SSH2: variants seen among roughly 807,000 people sequenced by gnomAD.
SSH2 encodes protein phosphatase Slingshot homolog 2.
SSH2 carries 37 observed loss-of-function variants against 135.2 expected under a neutral mutation model. That is an observed-to-expected ratio of 0.27 (90% CI 0.21 to 0.36). SSH2 has a LOEUF of 0.36. SSH2 is among the 10% of genes least tolerant of loss of function. SSH2 has a pLI of 1.00. For missense variants in SSH2, 1,408 were observed against 1,765.3 expected, an observed-to-expected ratio of 0.80 and a Z score of 3.63; for synonymous variants, 628 against 646.2, an observed-to-expected ratio of 0.97 and a Z score of 0.43.
At chr17:29,698,098 T>C (rs1210898911) in intron 4 of SSH2, among the ~76,000 whole-genome samples, 1 of 152,212 alleles carries the variant, frequency 6.6e-6, no homozygotes, top group African/African-American at 2.4e-5. Flanking sequence ...CAAAAATCCA[T>C]TCATATGAAT....
At chr17:29,755,445 T>A (rs2041083525) in intron 3 of SSH2, among the ~76,000 whole-genome samples, 1 of 152,130 alleles carries the variant, frequency 6.6e-6, no homozygotes, top group Admixed American at 6.5e-5. Context: ...TAGACCTTAA[T>A]CTAATAATGA....
In SSH2 at chr17:29,625,982, T is replaced by C. The variant is rs535209218; in HGVS notation, c.*4859A>G. The C allele has an allele frequency of 6.6e-6, 1 of 152,624 alleles. No individual in the cohort carries two copies. Among genetic ancestry groups the C allele is most frequent in the East Asian group, 1.9e-4 (1 of 5,200 alleles). 9.5% of individuals were successfully genotyped at this position (152,624 alleles called of 1,614,324 possible). ...ATTTATTCAATCTGTAACAAGAACA[T>C]TGAATCTGCACATTTGCGCACAAGT... is the stretch of plus-strand genomic sequence containing the variant. On this transcript the variant is annotated 3_prime_UTR_variant, in exon 16 of 16. Coordinates refer to ENST00000540801, the MANE Select transcript of SSH2 (RefSeq NM_001282129.2).
chr17:29,631,851 T>C lies in SSH2; in HGVS notation c.3343A>G (p.Arg1115Gly). The C allele has an allele frequency of 6.2e-7, 1 of 1,614,226 alleles. No homozygotes were observed. The highest frequency in any genetic ancestry group is 8.5e-7 in the Non-Finnish European group (1 of 1,180,036). ...ATGGAGGTTGGATGGTCAGTGGGTC[T>C]GTTGTGCTCAGGGGAGGAAGAATGA... ...LPHSSSPEHNRPTDHPTSILS... is the reference protein window; with the variant it reads ...LPHSSSPEHNGPTDHPTSILS... Residue 1115 changes from arginine to glycine, a missense_variant, in exon 16 of 16, where the codon AGA (arginine) becomes GGA (glycine). Physicochemically the swap from Arg to Gly is moderately radical, Grantham distance 125 (BLOSUM62 -2). Coordinates refer to ENST00000540801, the MANE Select transcript of SSH2 (RefSeq NM_001282129.2).
intron 1 of SSH2, among the ~76,000 whole-genome samples, chr17:29,881,693 G>A (rs2066140651): frequency 1.3e-5 from 2 of 151,964 alleles, no homozygotes; most frequent in Admixed American, 1.3e-4. Flanking sequence ...GTAGAGATGG[G>A]GTTTCACCAT....
intron 1 of SSH2, among the ~76,000 whole-genome samples, chr17:29,896,712 T>G (rs563577756): frequency 6.6e-6 from 1 of 151,810 alleles, no homozygotes; most frequent in Admixed American, 6.6e-5. Context: ...ATGTATCATA[T>G]GTAAAATGCA....
intron 3 of SSH2, among the ~76,000 whole-genome samples, chr17:29,788,247 T>A (rs1295909252): frequency 6.6e-6 from 1 of 152,184 alleles, no homozygotes; most frequent in East Asian, 1.9e-4. Context: ...TTTGAATCAG[T>A]AGACTGGGTA....
At chr17:29,633,429 C>T (rs2035773456) in intron 15 of SSH2, among the ~76,000 whole-genome samples, 1 of 152,222 alleles carries the variant, frequency 6.6e-6, no homozygotes, top group African/African-American at 2.4e-5. Context: ...ATGGACGAGG[C>T]TATCACCTGA....
At chr17:29,704,524 A>AG (rs2039118752) in intron 3 of SSH2, among the ~76,000 whole-genome samples, 1 of 152,098 alleles carries the variant, frequency 6.6e-6, no homozygotes, top group Admixed American at 6.6e-5. Context: ...CAACACAGTG[A>AG]GACTCCATCT....
chr17:29,878,770 A>C (rs1392996894), intron 1 of SSH2, among the ~76,000 whole-genome samples: 1 of 152,220 alleles, frequency 6.6e-6, no homozygotes, highest in Non-Finnish European at 1.5e-5. Flanking sequence ...TGCCCTACTA[A>C]ATATACTATG....
In SSH2 at chr17:29,692,062, C is replaced by T. The variant is rs945676722; in HGVS notation, c.357+3397G>A. On this transcript the variant is annotated intron_variant, in intron 5 of 15. Transcript: ENST00000540801. ...GGCTGAGACAGGAGAATCACTTGAA[C>T]TCGGGAGGCAGAGGTTGCAATGGGC... Among the ~76,000 whole-genome samples the T allele has an allele frequency of 4.6e-5, 7 of 151,300 alleles. No individual in the cohort carries two copies. The East Asian group carries it at 1.4e-3, about 30-fold the overall frequency.
chr17:29,643,088 C>T, intron 14 of SSH2: 4 of 977,388 alleles, frequency 4.1e-6, no homozygotes, highest in Non-Finnish European at 4.9e-6. Context: ...AAGGATTTTC[C>T]TCTCCTGCTT....
chr17:29,675,847 T>C (rs969486508), intron 8 of SSH2: 3 of 152,052 alleles, frequency 2.0e-5, no homozygotes, highest in Middle Eastern at 3.4e-3. Context: ...GAGAGATCTA[T>C]CCTGTCTAAA....
intron 2 of SSH2, among the ~76,000 whole-genome samples, chr17:29,807,847 T>TTTTTTTTTTTTTTTTTTTTG (rs2042373927): frequency 6.7e-6 from 1 of 149,974 alleles, no homozygotes; most frequent in Non-Finnish European, 1.5e-5. Flanking sequence ...TTTTTTTTTT[T>TTTTTTTTTTTTTTTTTTTTG]TTTTTTTTAG....
chr17:29,759,775 T>C (rs933188180), intron 3 of SSH2, among the ~76,000 whole-genome samples: 1 of 152,216 alleles, frequency 6.6e-6, no homozygotes, highest in Non-Finnish European at 1.5e-5. Flanking sequence ...TAAATAATAT[T>C]CTACTATATG....
intron 1 of SSH2, among the ~76,000 whole-genome samples, chr17:29,898,699 G>A (rs1188522300): frequency 3.3e-5 from 5 of 152,116 alleles, no homozygotes; most frequent in African/African-American, 1.2e-4. Flanking sequence ...TCTACCAGAG[G>A]TACAAGGAGG....
chr17:29,677,850 G>A lies in SSH2; in HGVS notation c.480-109C>T, dbSNP rs537845003. 9.9e-6 allele frequency: 8 copies of A among 812,146 alleles called. No individual in the cohort carries two copies. The African/African-American group carries it at 1.4e-4, about 14-fold the overall frequency. The allele number at this position is 812,146 out of a possible 1,614,324, so 50.3% of individuals were successfully genotyped here. ...GATAAACCCTTAAATTCTAAATTCT[G>A]GCATAAGTGTTACAATGAAGAAATT... On this transcript the variant is annotated intron_variant, in intron 6 of 15. Coordinates refer to ENST00000540801, the MANE Select transcript of SSH2 (RefSeq NM_001282129.2).
chr17:29,850,762 G>A (rs1357140974), intron 1 of SSH2, among the ~76,000 whole-genome samples: 1 of 152,166 alleles, frequency 6.6e-6, no homozygotes, highest in Non-Finnish European at 1.5e-5. Flanking sequence ...GAGGCGGGTG[G>A]ATCACGAGGT....
At chr17:29,823,670 G>T (rs967431315) in intron 2 of SSH2, among the ~76,000 whole-genome samples, 8 of 152,072 alleles carry the variant, frequency 5.3e-5, no homozygotes, top group African/African-American at 1.7e-4. Flanking sequence ...TTTGAGGTTA[G>T]CGGTTCCAGA....
chr17:29,758,045 T>TCAAAACAAAA (rs377669909), intron 3 of SSH2, among the ~76,000 whole-genome samples: 3 of 151,706 alleles, frequency 2.0e-5, no homozygotes, highest in African/African-American at 7.3e-5. Context: ...AGGGCCTGTC[T>TCAAAACAAAA]CAAAACAAAA....
Sources: gnomAD v4.1 joint callset for allele counts (sites outside exome capture counted in the v4.1 genomes callset) on GRCh38, gnomAD v4.1.1 for gene constraint, MANE v1.5 for transcripts, NCBI Gene and HGNC (gene_info 2026-07-23, HGNC 2026-07-21) for gene names.